The following RAI14 variants were observed in gnomAD, a reference collection of about 807,000 sequenced individuals.
RAI14 encodes ankycorbin.
RAI14 carries 45 observed loss-of-function variants against 115.4 expected under a neutral mutation model. That is an observed-to-expected ratio of 0.39 (90% CI 0.31 to 0.50). The LOEUF is 0.50. Ranked by LOEUF, RAI14 falls within the 20% of genes least tolerant of loss-of-function variation. RAI14 has a pLI of 0.85. For synonymous variants in RAI14, 371 were observed against 415.4 expected (o/e 0.89, Z 1.30); for missense variants, 939 against 1,131.2 (o/e 0.83, Z 2.44).
intron 2 of RAI14, among the ~76,000 whole-genome samples, chr5:34,734,749 C>T (rs972230652): frequency 6.6e-6 from 1 of 151,952 alleles, no homozygotes; most frequent in Non-Finnish European, 1.5e-5. Flanking sequence ...GCAAGCTCCG[C>T]CTCCCAGGTT....
intron 2 of RAI14, among the ~76,000 whole-genome samples, chr5:34,721,551 C>T (rs112320054): frequency 1.2e-3 from 181 of 152,126 alleles, no homozygotes; most frequent in African/African-American, 4.3e-3. Flanking sequence ...ACCTCTGCTG[C>T]TTTCTAGATT....
intron 16 of RAI14, 89 bp downstream of exon 16, chr5:34,826,568 A>G: frequency 1.4e-6 from 2 of 1,472,344 alleles, no homozygotes; most frequent in Non-Finnish European, 1.8e-6. Flanking sequence ...GTGGGCGTGA[A>G]CAAAAAGATT....
In RAI14 at chr5:34,811,930, A is replaced by G; in HGVS notation, c.721A>G (p.Ile241Val). The change falls in exon 9 of 18, where the codon ATC becomes GTC. Residue 241 changes from isoleucine (I) to valine (V), a missense_variant. By Grantham distance (29) the Ile-to-Val change is conservative. Coordinates refer to ENST00000265109, the MANE Select transcript of RAI14 (RefSeq NM_015577.3). ...AATTCAAAGCCTTCTATTATCAAAA[A>G]TCTCTCAGGATGCTGGTATGTAAAA... ...AGIQSLLLSK[I>V]SQDADLKTPT... is the part of the protein sequence containing the mutation. 1 of 1,609,570 alleles carries G rather than the reference A, an allele frequency of 6.2e-7. No homozygotes were observed. Among genetic ancestry groups the G allele is most frequent in the Non-Finnish European group, 8.5e-7 (1 of 1,178,380 alleles).
intron 2 of RAI14, among the ~76,000 whole-genome samples, chr5:34,715,601 G>A (rs1741892855): frequency 6.6e-6 from 1 of 152,162 alleles, no homozygotes; most frequent in African/African-American, 2.4e-5. Flanking sequence ...TACCTAAAAA[G>A]TCTTTTCCTG....
intron 2 of RAI14, among the ~76,000 whole-genome samples, chr5:34,736,160 G>A (rs370678304): frequency 1.3e-5 from 2 of 152,182 alleles, no homozygotes; most frequent in Admixed American, 1.3e-4. Flanking sequence ...CAGCACTTTC[G>A]GAGGCCAAGG....
intron 3 of RAI14, among the ~76,000 whole-genome samples, chr5:34,778,705 C>CA (rs965749106): frequency 1.7e-4 from 25 of 150,962 alleles, no homozygotes; most frequent in African/African-American, 5.8e-4. Flanking sequence ...AATTTGAGAC[C>CA]AGGCTGGGCA....
At chr5:34,665,125 G>GTGTATATATATGTGTATATA (rs1743049702) in intron 1 of RAI14, among the ~76,000 whole-genome samples, 1 of 33,644 alleles carries the variant, frequency 3.0e-5, no homozygotes, top group Non-Finnish European at 6.3e-5. Flanking sequence ...GTGTATATAT[G>GTGTATATATATGTGTATATA]TATGTGTATA....
At chr5:34,717,093 GTGTT>G (rs1742093416) in intron 2 of RAI14, among the ~76,000 whole-genome samples, 1 of 152,198 alleles carries the variant, frequency 6.6e-6, no homozygotes, top group South Asian at 2.1e-4. Context: ...GCATGTGTGT[GTGTT>G]TGTGTGTAAT....
At chr5:34,785,598 C>T (rs560624785) in intron 3 of RAI14, among the ~76,000 whole-genome samples, 74 of 152,240 alleles carry the variant, frequency 4.9e-4, no homozygotes, top group Non-Finnish European at 8.2e-4. Flanking sequence ...GTCACGTGGA[C>T]GGCCAGTGCT....
chr5:34,656,979 C>G (rs982677645), intron 1 of RAI14: 1 of 152,052 alleles, frequency 6.6e-6, no homozygotes, highest in Admixed American at 6.5e-5. Flanking sequence ...GAGGTGCGAG[C>G]GGGAGACTCC....
intron 1 of RAI14, among the ~76,000 whole-genome samples, chr5:34,657,678 C>G (rs892609712): frequency 6.6e-6 from 1 of 152,196 alleles, no homozygotes; most frequent in Non-Finnish European, 1.5e-5. Context: ...GATGGGGAAA[C>G]GTTGCCGGAT....
At chr5:34,663,304 C>G (rs1030519488) in intron 1 of RAI14, among the ~76,000 whole-genome samples, 1 of 151,870 alleles carries the variant, frequency 6.6e-6, no homozygotes, top group East Asian at 1.9e-4. Flanking sequence ...TCACTTAAGC[C>G]CAGGAGTTAA....
chr5:34,683,330 C>A (rs1744522237), intron 1 of RAI14, among the ~76,000 whole-genome samples: 1 of 152,094 alleles, frequency 6.6e-6, no homozygotes, highest in African/African-American at 2.4e-5. Flanking sequence ...TAGGAAGACA[C>A]TCAGTTTGGC....
chr5:34,738,860 G>T (rs1176788709), intron 2 of RAI14, among the ~76,000 whole-genome samples: 1 of 152,114 alleles, frequency 6.6e-6, no homozygotes, highest in Admixed American at 6.5e-5. Flanking sequence ...TTATTTTGAT[G>T]GGACATCGAT....
intron 2 of RAI14, among the ~76,000 whole-genome samples, chr5:34,744,860 C>T (rs993990818): frequency 1.3e-5 from 2 of 152,170 alleles, no homozygotes; most frequent in African/African-American, 4.8e-5. Flanking sequence ...ATGCTCCCTC[C>T]CAAGGTTCTA....
intron 2 of RAI14, among the ~76,000 whole-genome samples, chr5:34,735,650 C>T (rs1158224871): frequency 6.6e-6 from 1 of 152,204 alleles, no homozygotes; most frequent in African/African-American, 2.4e-5. Context: ...AATGTGAACA[C>T]TCTAACTTGT....
At chr5:34,753,382 G>C (rs888636982) in intron 2 of RAI14, among the ~76,000 whole-genome samples, 1 of 152,172 alleles carries the variant, frequency 6.6e-6, no homozygotes, top group Admixed American at 6.5e-5. Flanking sequence ...GGTGGGGGTA[G>C]GGGAGAGGAT....
intron 2 of RAI14, among the ~76,000 whole-genome samples, chr5:34,754,417 T>G (rs1561315072): frequency 1.3e-5 from 2 of 152,126 alleles, no homozygotes; most frequent in African/African-American, 4.8e-5. Flanking sequence ...TTTTTTATTT[T>G]TAGAGATGGC....
chr5:34,823,254 A>G lies in RAI14; in HGVS notation c.1412A>G (p.Asn471Ser). The G allele has an allele frequency of 6.2e-7, 1 of 1,614,100 alleles. No homozygotes were observed. The highest frequency in any genetic ancestry group is 8.5e-7 in the Non-Finnish European group (1 of 1,180,032). The change falls in exon 15 of 18, where the codon AAC becomes AGC. Residue 471 changes from asparagine (N) to serine (S), a missense_variant. Transcript: ENST00000265109. The surrounding 1 kb of genome is among the most constrained non-coding windows in gnomAD (Gnocchi z 4.5). Reference protein sequence around the residue: ...SRRAELVCLNNTEISENSSDL... With the variant: ...SRRAELVCLNSTEISENSSDL... ...AGGGCAGAACTGGTATGCTTAAACA[A>G]CACTGAGATTTCAGAGAACAGCTCT... is the stretch of plus-strand genomic sequence containing the variant.
Sources: allele counts gnomAD v4.1 joint callset (sites outside exome capture counted in the v4.1 genomes callset), GRCh38; gene constraint gnomAD v4.1.1; non-coding constraint Gnocchi (gnomAD v3.1); transcripts MANE v1.5; gene names NCBI Gene and HGNC (gene_info 2026-07-23, HGNC 2026-07-21).